Variants in ADGRG7 observed in about 807,000 individuals in gnomAD.
ADGRG7 encodes the protein G-protein coupled receptor 128.
Under a neutral mutation model 88.6 loss-of-function variants are expected in ADGRG7, and 82 were observed. The ratio of observed to expected loss-of-function variants is 0.93; its 90% CI spans 0.77 to 1.11. ADGRG7 has a LOEUF of 1.11. ADGRG7 is among the 50% of genes most tolerant of loss of function. The pLI is 0.00. For missense variants in ADGRG7, 945 were observed against 953.4 expected, an observed-to-expected ratio of 0.99 and a Z score of 0.12; for synonymous variants, 381 against 345.2, an observed-to-expected ratio of 1.10 and a Z score of -1.15.
At chr3:100,689,980 G>C (rs563253110) in intron 15 of ADGRG7, among the ~76,000 whole-genome samples, 1 of 152,116 alleles carries the variant, frequency 6.6e-6, no homozygotes, top group Admixed American at 6.6e-5. Context: ...TTTCCAACTT[G>C]GTTCCTTTCT....
chr3:100,651,380 C>A lies in ADGRG7; in HGVS notation c.1379+1573C>A, dbSNP rs2094929174. ...TATTTCTACCATCACCACAGTTGTA[C>A]TGACAATTATTTGGTCCCATAGGGA... On this transcript the variant is annotated intron_variant, in intron 11 of 15. Transcript: ENST00000273352. 2.0e-5 allele frequency among the ~76,000 whole-genome samples: 3 copies of A among 152,326 alleles called. No individual in the cohort carries two copies. The East Asian group carries it at 5.8e-4, about 29-fold the overall frequency.
chr3:100,686,942 T>A (rs2094983787), intron 15 of ADGRG7, among the ~76,000 whole-genome samples: 1 of 152,222 alleles, frequency 6.6e-6, no homozygotes, highest in East Asian at 1.9e-4. Flanking sequence ...TTGATGGGGT[T>A]GGCATTGAAT....
chr3:100,636,152 T>TAAG, intron 5 of ADGRG7, among the ~76,000 whole-genome samples: 1 of 152,146 alleles, frequency 6.6e-6, no homozygotes, highest in South Asian at 2.1e-4. Context: ...CTTTCTGGAT[T>TAAG]CAGGGGTTCA....
At chr3:100,682,276 C>T (rs2094974469) in intron 15 of ADGRG7, among the ~76,000 whole-genome samples, 1 of 152,160 alleles carries the variant, frequency 6.6e-6, no homozygotes, top group South Asian at 2.1e-4. Context: ...AGAGGGTCCC[C>T]AGGAGGAACT....
In ADGRG7 at chr3:100,654,860, T is replaced by C; in HGVS notation, c.1405T>C (p.Trp469Arg). The C allele has an allele frequency of 1.3e-6, 2 of 1,584,410 alleles. No homozygotes were observed. The highest frequency in any genetic ancestry group is 1.1e-5 in the South Asian group (1 of 87,214). The change falls in exon 12 of 16, where the codon TGG (tryptophan) becomes CGG (arginine). Residue 469 changes from tryptophan to arginine, a missense_variant. Coordinates refer to ENST00000273352, the MANE Select transcript of ADGRG7 (RefSeq NM_032787.3). ...TRKVRKTSVTWVLVNLCISML... is the reference protein window; with the variant it reads ...TRKVRKTSVTRVLVNLCISML... ...GAAAGTCAGAAAAACCTCAGTAACC[T>C]GGGTTTTGGTCAATCTGTGCATATC...
At chr3:100,653,037 A>G (rs1405576647) in intron 11 of ADGRG7, among the ~76,000 whole-genome samples, 1 of 152,222 alleles carries the variant, frequency 6.6e-6, no homozygotes, top group Admixed American at 6.5e-5. Context: ...CCATCTGACA[A>G]TCAGCAAGCA....
intron 3 of ADGRG7, among the ~76,000 whole-genome samples, chr3:100,632,496 C>T (rs1370109457): frequency 6.6e-6 from 1 of 152,136 alleles, no homozygotes; most frequent in African/African-American, 2.4e-5. Flanking sequence ...AAAGATGCAT[C>T]TGACATGTGT....
At chr3:100,658,323 AAGTAATTGC>A (rs1220158703) in intron 13 of ADGRG7, among the ~76,000 whole-genome samples, 7 of 152,152 alleles carry the variant, frequency 4.6e-5, no homozygotes, top group Admixed American at 3.9e-4. Context: ...GTTGGTGCAA[AAGTAATTGC>A]AGTTTTTGCC....
chr3:100,667,857 G>A (rs916714164), intron 14 of ADGRG7, among the ~76,000 whole-genome samples: 1 of 152,144 alleles, frequency 6.6e-6, no homozygotes, highest in African/African-American at 2.4e-5. Flanking sequence ...AGCTCCTGCA[G>A]CTAGTTCGGT....
chr3:100,671,967 C>A (rs1014379068), intron 15 of ADGRG7, among the ~76,000 whole-genome samples: 1 of 151,914 alleles, frequency 6.6e-6, no homozygotes, highest in Admixed American at 6.6e-5. Context: ...AGCCTTGTAG[C>A]ATAGTTTGAA....
Position 100,655,056 on chromosome 3 carries a change from A to T in ADGRG7, c.1601A>T (p.His534Leu). The change falls in exon 12 of 16, where the codon CAC becomes CTC. Residue 534 changes from histidine (H) to leucine (L), a missense_variant. By Grantham distance (99) the His-to-Leu change is moderately conservative. Coordinates refer to ENST00000273352, the MANE Select transcript of ADGRG7 (RefSeq NM_032787.3). ...PMCTAIAALL[H>L]YFLLVTFTWN... ...TGCACTGCGATTGCCGCCTTACTGCACTATTTTCTGTTAGTGACATTTACC... is the reference window on the plus strand; with the variant it reads ...TGCACTGCGATTGCCGCCTTACTGCTCTATTTTCTGTTAGTGACATTTACC... 6.2e-7 allele frequency: 1 copy of T among 1,614,154 alleles called. No homozygotes were observed. Among genetic ancestry groups the T allele is most frequent in the Non-Finnish European group, 8.5e-7 (1 of 1,180,006 alleles).
chr3:100,642,736 C>T (rs1019665860), intron 6 of ADGRG7, among the ~76,000 whole-genome samples: 1 of 152,168 alleles, frequency 6.6e-6, no homozygotes, highest in Non-Finnish European at 1.5e-5. Context: ...TTGTAAAAAC[C>T]TTCAGGGTTT....
intron 14 of ADGRG7, chr3:100,665,486 G>A (rs952866508): frequency 1.6e-5 from 8 of 513,100 alleles, no homozygotes; most frequent in Non-Finnish European, 2.4e-5. Flanking sequence ...TTTCCTTTCC[G>A]CCGTCAGTGG....
Position 100,655,072 on chromosome 3 carries a change from G to A in ADGRG7, c.1617G>A (p.Val539=). The change falls in exon 12 of 16, where the codon GTG becomes GTA. Residue 539 remains valine (V), a synonymous_variant. Transcript: ENST00000273352. ...CCTTACTGCACTATTTTCTGTTAGT[G>A]ACATTTACCTGGAACGCACTCAGCG... ...IAALLHYFLL[V]TFTWNALSAA... 1 of 1,614,132 alleles carries A rather than the reference G, an allele frequency of 6.2e-7. No homozygotes were observed. Among genetic ancestry groups the A allele is most frequent in the Non-Finnish European group, 8.5e-7 (1 of 1,180,004 alleles).
intron 1 of ADGRG7, among the ~76,000 whole-genome samples, chr3:100,617,133 A>G: frequency 6.6e-6 from 1 of 152,232 alleles, no homozygotes; most frequent in East Asian, 1.9e-4. Flanking sequence ...ATTGCAGAAC[A>G]TCAGATAAAG....
chr3:100,653,688 C>T (rs1321374027), intron 11 of ADGRG7, among the ~76,000 whole-genome samples: 1 of 152,152 alleles, frequency 6.6e-6, no homozygotes, highest in East Asian at 1.9e-4. Flanking sequence ...TGGAGTCTTG[C>T]AGTCAGATGG....
intron 1 of ADGRG7, among the ~76,000 whole-genome samples, chr3:100,624,125 G>A (rs1707350036): frequency 6.6e-6 from 1 of 152,004 alleles, no homozygotes; most frequent in Non-Finnish European, 1.5e-5. Context: ...CTTTCTTCCA[G>A]AATGGTTGAA....
At chr3:100,615,501 GCCAGTCAGCAAAT>G (rs1707212863) in intron 1 of ADGRG7, among the ~76,000 whole-genome samples, 1 of 152,154 alleles carries the variant, frequency 6.6e-6, no homozygotes, top group African/African-American at 2.4e-5. Context: ...TGGCAAAGAA[GCCAGTCAGCAAAT>G]GTGTGTTGGG....
At chr3:100,676,586 G>A (rs1333460949) in intron 15 of ADGRG7, among the ~76,000 whole-genome samples, 1 of 152,002 alleles carries the variant, frequency 6.6e-6, no homozygotes, top group Non-Finnish European at 1.5e-5. Flanking sequence ...GCCATTGGAT[G>A]AAATGTTCTA....
Sources: gnomAD v4.1 joint callset for allele counts (sites outside exome capture counted in the v4.1 genomes callset) on GRCh38, gnomAD v4.1.1 for gene constraint, MANE v1.5 for transcripts, NCBI Gene and HGNC (gene_info 2026-07-23, HGNC 2026-07-21) for gene names.